The following PAK5 variants were observed in gnomAD, a reference collection of about 807,000 sequenced individuals.
The protein encoded by PAK5 is p21 (RAC1) activated kinase 5, also known as serine/threonine-protein kinase PAK 5.
Under a neutral mutation model 65.9 loss-of-function variants are expected in PAK5, and 16 were observed. The observed-to-expected ratio is 0.24, with a 90% CI of 0.16 to 0.37. PAK5 has a LOEUF of 0.37. PAK5 is among the 10% of genes least tolerant of loss of function. PAK5 has a pLI of 1.00. For synonymous variants in PAK5, 371 were observed against 354.9 expected (o/e 1.05, Z -0.51); for missense variants, 785 against 903.9 (o/e 0.87, Z 1.69).
intron 2 of PAK5, among the ~76,000 whole-genome samples, chr20:9,656,861 A>G (rs2047275171): frequency 6.6e-6 from 1 of 152,182 alleles, no homozygotes; most frequent in Admixed American, 6.5e-5. Context: ...AGAGTCCACA[A>G]ATCTCTCCAT....
Position 9,828,771 on chromosome 20 carries a change from C to T in PAK5, c.-162+9991G>A, listed in dbSNP as rs1479186766. 2.0e-5 allele frequency among the ~76,000 whole-genome samples: 3 copies of T among 152,298 alleles called. No individual in the cohort carries two copies. In the East Asian group the frequency reaches 5.8e-4, roughly 29 times the overall value. On this transcript the variant is annotated intron_variant, in intron 1 of 9. Coordinates refer to ENST00000353224, the MANE Select transcript of PAK5 (RefSeq NM_177990.4). ...ACTTGAATTTTAATTGGAAATGAAG[C>T]TAATAACTGTTGTGTCTAACAGAGA...
At chr20:9,745,985 C>A (rs532255375) in intron 1 of PAK5, among the ~76,000 whole-genome samples, 1 of 152,184 alleles carries the variant, frequency 6.6e-6, no homozygotes, top group African/African-American at 2.4e-5. Flanking sequence ...AGAGGATATG[C>A]ATCAAAGAGA....
chr20:9,817,708 T>C (rs1015169457), intron 1 of PAK5, among the ~76,000 whole-genome samples: 3 of 152,190 alleles, frequency 2.0e-5, no homozygotes, highest in African/African-American at 7.2e-5. Flanking sequence ...AACTAATAAA[T>C]TTGACCAATT....
intron 1 of PAK5, among the ~76,000 whole-genome samples, chr20:9,831,926 T>A (rs1344892330): frequency 6.6e-6 from 1 of 152,238 alleles, no homozygotes; most frequent in African/African-American, 2.4e-5. Flanking sequence ...ACCTGCATGA[T>A]GTTTTCATTT....
At chr20:9,612,722 C>A (rs1486589907) in intron 3 of PAK5, among the ~76,000 whole-genome samples, 1 of 152,040 alleles carries the variant, frequency 6.6e-6, no homozygotes, top group Non-Finnish European at 1.5e-5. Context: ...TTACAAAGAT[C>A]CAAACCATAT....
chr20:9,600,037 T>C (rs2046334287), intron 3 of PAK5, among the ~76,000 whole-genome samples: 2 of 152,188 alleles, frequency 1.3e-5, no homozygotes, highest in Non-Finnish European at 2.9e-5. Context: ...TGGTATAAGA[T>C]AAGGGGCCAC....
chr20:9,660,446 A>G (rs890428809), intron 2 of PAK5, among the ~76,000 whole-genome samples: 2 of 151,656 alleles, frequency 1.3e-5, no homozygotes, highest in Non-Finnish European at 2.9e-5. Context: ...CGCAATAGGG[A>G]GGCAGACAAA....
intron 9 of PAK5, 90 bp downstream of exon 9, chr20:9,542,496 C>T (rs752700074): frequency 8.0e-7 from 1 of 1,252,546 alleles, no homozygotes; most frequent in Non-Finnish European, 1.2e-6. Context: ...GATCTTCCTG[C>T]TGGATGTGGT....
intron 4 of PAK5, among the ~76,000 whole-genome samples, chr20:9,579,449 G>A (rs1358528301): frequency 6.6e-6 from 1 of 152,054 alleles, no homozygotes; most frequent in African/African-American, 2.4e-5. Flanking sequence ...CAAACTTTAG[G>A]ATATCATAGA....
intron 1 of PAK5, among the ~76,000 whole-genome samples, chr20:9,830,837 A>G (rs1422019017): frequency 6.6e-6 from 1 of 152,222 alleles, no homozygotes; most frequent in East Asian, 1.9e-4. Context: ...ATGTCATAGC[A>G]AATGTTTCCT....
chr20:9,651,705 G>A lies in PAK5; in HGVS notation c.-11-7366C>T, dbSNP rs2047205305. Among the ~76,000 whole-genome samples, 4 of 152,260 alleles carry A rather than the reference G, an allele frequency of 2.6e-5. No individual in the cohort carries two copies. The South Asian group carries it at 8.3e-4, about 32-fold the overall frequency. ...TATGCCCCAGGGGCTTTGATTGCCTGGGAGGAAGTAGTTGGCAGGCAGAAG... is the reference window on the plus strand; with the variant it reads ...TATGCCCCAGGGGCTTTGATTGCCTAGGAGGAAGTAGTTGGCAGGCAGAAG... On this transcript the variant is annotated intron_variant, in intron 2 of 9. Transcript: ENST00000353224.
intron 3 of PAK5, among the ~76,000 whole-genome samples, chr20:9,595,414 T>C (rs1867486424): frequency 1.3e-5 from 2 of 152,274 alleles, no homozygotes; most frequent in Admixed American, 6.5e-5. Flanking sequence ...ATTCCCTCAA[T>C]GATACTAACA....
chr20:9,608,466 C>T (rs1476461293), intron 3 of PAK5, among the ~76,000 whole-genome samples: 2 of 152,320 alleles, frequency 1.3e-5, no homozygotes, highest in East Asian at 3.9e-4. Flanking sequence ...GGAAGCATTC[C>T]TTCCTGGTGT....
chr20:9,604,053 A>AC lies in PAK5; in HGVS notation c.205-23124dup, dbSNP rs150542487. On this transcript the variant is annotated intron_variant, in intron 3 of 9. Transcript: ENST00000353224. ...CCACAAATTATTGATATCAGGGTAAACACACCTGATAGCAATAACTTAAAC... is the reference window on the plus strand; with the variant it reads ...CCACAAATTATTGATATCAGGGTAAACCACACCTGATAGCAATAACTTAAAC... Among the ~76,000 whole-genome samples, 53 of 152,366 alleles carry AC rather than the reference A, an allele frequency of 3.5e-4. 1 individual carries two copies. The East Asian group carries it at 9.8e-3, about 28-fold the overall frequency.
At chr20:9,687,247 T>C (rs997021461) in intron 2 of PAK5, among the ~76,000 whole-genome samples, 3 of 152,342 alleles carry the variant, frequency 2.0e-5, no homozygotes, top group African/African-American at 7.2e-5. Flanking sequence ...AGAGAGCATC[T>C]ACTGCATATA....
intron 2 of PAK5, among the ~76,000 whole-genome samples, chr20:9,689,199 C>T (rs375140144): frequency 1.3e-5 from 2 of 152,206 alleles, no homozygotes; most frequent in African/African-American, 4.8e-5. Context: ...GCTCTGCAAA[C>T]TCCCCTCTGC....
At chr20:9,753,774 A>G (rs1286721568) in intron 1 of PAK5, among the ~76,000 whole-genome samples, 1 of 152,170 alleles carries the variant, frequency 6.6e-6, no homozygotes, top group African/African-American at 2.4e-5. Flanking sequence ...ACTGTTGTAT[A>G]AGAAAGAACA....
chr20:9,683,296 T>C (rs982391072), intron 2 of PAK5, among the ~76,000 whole-genome samples: 2 of 152,238 alleles, frequency 1.3e-5, no homozygotes, highest in Non-Finnish European at 2.9e-5. Flanking sequence ...GAGACTCGGT[T>C]AGCTGTCCTT....
chr20:9,581,144 C>G (rs1315949966), intron 3 of PAK5, among the ~76,000 whole-genome samples: 1 of 152,150 alleles, frequency 6.6e-6, no homozygotes, highest in South Asian at 2.1e-4. Context: ...TTCTTCTTAC[C>G]TATCTCAACA....
Sources: allele counts gnomAD v4.1 joint callset (sites outside exome capture counted in the v4.1 genomes callset), GRCh38; gene constraint gnomAD v4.1.1; transcripts MANE v1.5; gene names NCBI Gene and HGNC (gene_info 2026-07-23, HGNC 2026-07-21).